Variants in TBXAS1 observed in about 807,000 individuals in gnomAD.
TBXAS1 encodes the protein thromboxane-A synthase.
Under a neutral mutation model 60.7 loss-of-function variants are expected in TBXAS1, and 48 were observed. The ratio of observed to expected loss-of-function variants is 0.79; its 90% CI spans 0.63 to 1.01. The LOEUF (loss-of-function observed/expected upper bound fraction) is 1.01. TBXAS1 is among the 50% of genes least tolerant of loss of function. TBXAS1 has a pLI of 0.00. For missense variants in TBXAS1, 685 were observed against 686.3 expected (o/e 1.00, Z 0.02); for synonymous variants, 287 against 269.7 (o/e 1.06, Z -0.63).
intron 1 of TBXAS1, among the ~76,000 whole-genome samples, chr7:139,861,185 A>C (rs2116719292): frequency 6.6e-6 from 1 of 152,182 alleles, no homozygotes; most frequent in Admixed American, 6.5e-5. Context: ...AAAAAAAAAA[A>C]AAAAAATTCT....
chr7:139,839,242 T>C (rs1031794044), intron 1 of TBXAS1, among the ~76,000 whole-genome samples: 7 of 152,194 alleles, frequency 4.6e-5, no homozygotes, highest in Non-Finnish European at 4.4e-5. Context: ...TTAATGAGTG[T>C]GAATATTTAG....
chr7:139,849,003 A>G (rs1406067828), intron 1 of TBXAS1, among the ~76,000 whole-genome samples: 1 of 152,180 alleles, frequency 6.6e-6, no homozygotes, highest in Non-Finnish European at 1.5e-5. Context: ...AAATAAATAA[A>G]TGAACAAAAA....
chr7:140,020,003 A>AT (rs1436249068), intron 12 of TBXAS1, 22 bp from the exon 13 acceptor site: 3 of 1,610,652 alleles, frequency 1.9e-6, no homozygotes, highest in Non-Finnish European at 2.5e-6. Context: ...TTTGACAAAT[A>AT]TTTTAATTTT....
rs141366775 is a variant in TBXAS1 at position 140,019,035 on chromosome 7, C to T, written c.1528-990C>T. Among the ~76,000 whole-genome samples, 604 of 152,294 alleles carry T rather than the reference C, an allele frequency of 4.0e-3. 3 individuals carry two copies. Among genetic ancestry groups the T allele is most frequent in the Non-Finnish European group, 6.5e-3 (441 of 68,022 alleles). On this transcript the variant is annotated intron_variant, in intron 12 of 12. Coordinates refer to ENST00000448866, the MANE Select transcript of TBXAS1 (RefSeq NM_001061.7). ...CTATCCTCATGCTTGTCCTGCCACC[C>T]GGAACCCACTGTTCAGCTGCAGACC...
At chr7:139,934,198 T>C (rs1807560386) in intron 4 of TBXAS1, among the ~76,000 whole-genome samples, 1 of 151,364 alleles carries the variant, frequency 6.6e-6, no homozygotes, top group African/African-American at 2.4e-5. Context: ...TTTTCTTTTG[T>C]TTTTTTTGAG....
intron 1 of TBXAS1, among the ~76,000 whole-genome samples, chr7:139,840,916 G>A (rs1033877421): frequency 6.6e-6 from 1 of 152,196 alleles, no homozygotes; most frequent in African/African-American, 2.4e-5. Context: ...TGAGCAGCTG[G>A]TACAGAAGGC....
At chr7:139,801,961 ACCACATTGG>A (rs1797734717) in intron 4 of TBXAS1, among the ~76,000 whole-genome samples, 1 of 152,116 alleles carries the variant, frequency 6.6e-6, no homozygotes, top group Admixed American at 6.5e-5. Context: ...ATGGGGTTTT[ACCACATTGG>A]CCAGGTTGGT....
chr7:139,866,015 G>A (rs1801394748), intron 1 of TBXAS1, among the ~76,000 whole-genome samples: 1 of 152,134 alleles, frequency 6.6e-6, no homozygotes. Context: ...AGGAAAATGT[G>A]TTTTCTCTCT....
chr7:139,803,578 G>A (rs1797772287), intron 4 of TBXAS1, among the ~76,000 whole-genome samples: 1 of 152,182 alleles, frequency 6.6e-6, no homozygotes, highest in African/African-American at 2.4e-5. Flanking sequence ...TGTCTCCAGG[G>A]TATGTCAGAG....
intron 9 of TBXAS1, among the ~76,000 whole-genome samples, chr7:139,967,740 C>G (rs1241835552): frequency 1.3e-5 from 2 of 152,192 alleles, no homozygotes; most frequent in African/African-American, 2.4e-5. Flanking sequence ...CCAAATCACT[C>G]TTATTAAAAG....
chr7:139,793,140 T>G (rs1797440809), intron 4 of TBXAS1, among the ~76,000 whole-genome samples: 1 of 152,166 alleles, frequency 6.6e-6, no homozygotes, highest in South Asian at 2.1e-4. Context: ...CTGGGCCAGG[T>G]GCAGTGGGTC....
At position 139,875,562 on chromosome 7, in the gene TBXAS1, C is replaced by T. The variant is rs770825476; in HGVS notation, c.184-23C>T. 3 of 1,609,322 alleles carry T rather than the reference C, an allele frequency of 1.9e-6. No individual in the cohort carries two copies. In the South Asian group the frequency reaches 3.3e-5, roughly 18 times the overall value. On this transcript the variant is annotated intron_variant, in intron 2 of 12. Coordinates refer to ENST00000448866, the MANE Select transcript of TBXAS1 (RefSeq NM_001061.7). ...GGAATTTTGCTTAATCTTATTCTTA[C>T]TATAGTGCTGTGTTTCCTTCAGGGT...
chr7:139,993,469 T>C (rs1786570211), intron 9 of TBXAS1, among the ~76,000 whole-genome samples: 1 of 152,174 alleles, frequency 6.6e-6, no homozygotes, highest in African/African-American at 2.4e-5. Flanking sequence ...TATTAAGAAA[T>C]GCCAAAGCTT....
At chr7:139,959,092 G>A (rs777330494) in intron 8 of TBXAS1, among the ~76,000 whole-genome samples, 9 of 151,870 alleles carry the variant, frequency 5.9e-5, no homozygotes, top group Non-Finnish European at 1.0e-4. Context: ...CTGTTGCATC[G>A]AATGACTTAC....
At chr7:139,961,446 C>T (rs935793809) in intron 8 of TBXAS1, among the ~76,000 whole-genome samples, 2 of 152,172 alleles carry the variant, frequency 1.3e-5, no homozygotes, top group Non-Finnish European at 2.9e-5. Flanking sequence ...AAATAAAAGC[C>T]CCCCTCCTGG....
At chr7:139,861,685 C>T (rs1045062856) in intron 1 of TBXAS1, among the ~76,000 whole-genome samples, 16 of 152,260 alleles carry the variant, frequency 1.1e-4, no homozygotes, top group African/African-American at 3.4e-4. Context: ...CATCTGACAA[C>T]GGTAACACAT....
intron 1 of TBXAS1, among the ~76,000 whole-genome samples, chr7:139,865,663 GAA>G (rs1447937183): frequency 8.5e-6 from 1 of 118,284 alleles, no homozygotes; most frequent in Non-Finnish European, 1.8e-5. Flanking sequence ...GGAGGAGGAG[GAA>G]GAGGAGGAGG....
chr7:139,920,191 A>G (rs1317135919), intron 4 of TBXAS1, among the ~76,000 whole-genome samples: 1 of 152,240 alleles, frequency 6.6e-6, no homozygotes, highest in Non-Finnish European at 1.5e-5. Context: ...TGCCCAAGGC[A>G]TGGCTATTTG....
rs146018023 is a variant in TBXAS1 at position 139,870,444 on chromosome 7, GA to G, written c.90-1788del. On this transcript the variant is annotated intron_variant, in intron 1 of 12. Transcript: ENST00000448866. Reference sequence around the variant, plus strand: ...TAGACACGAATTTGAGGATGTTAAAGAAAGTGTTAAGTGGGCTGGTAAGTTT... The same window carrying G: ...TAGACACGAATTTGAGGATGTTAAAGAAGTGTTAAGTGGGCTGGTAAGTTT... Among the ~76,000 whole-genome samples, 973 of 152,334 alleles carry G rather than the reference GA, an allele frequency of 6.4e-3. 8 individuals carry two copies. The highest frequency in any genetic ancestry group is 0.015 in the African/African-American group (640 of 41,584).
Sources: gnomAD v4.1 joint callset for allele counts (sites outside exome capture counted in the v4.1 genomes callset) on GRCh38, gnomAD v4.1.1 for gene constraint, MANE v1.5 for transcripts, NCBI Gene and HGNC (gene_info 2026-07-23, HGNC 2026-07-21) for gene names.